Variants in ADGRA3 observed in about 807,000 individuals in gnomAD.
ADGRA3 encodes the protein G-protein coupled receptor 125.
In ADGRA3, 56 loss-of-function variants were observed where a neutral mutation model predicts 119.8. The observed-to-expected ratio is 0.47, with a 90% CI of 0.38 to 0.58. ADGRA3 has a LOEUF of 0.58. ADGRA3 is among the 20% of genes least tolerant of loss of function. The pLI is 0.00. For missense variants in ADGRA3, 1,516 were observed against 1,649.0 expected, an observed-to-expected ratio of 0.92 and a Z score of 1.40; for synonymous variants, 607 against 623.8, an observed-to-expected ratio of 0.97 and a Z score of 0.40.
chr4:22,467,294 C>A (rs1577366081), intron 2 of ADGRA3, among the ~76,000 whole-genome samples: 1 of 152,156 alleles, frequency 6.6e-6, no homozygotes, highest in East Asian at 1.9e-4. Flanking sequence ...ATTTTAAGTC[C>A]CAGGAGGTAC....
intron 1 of ADGRA3, among the ~76,000 whole-genome samples, chr4:22,481,188 A>G (rs1718249509): frequency 6.6e-6 from 1 of 152,220 alleles, no homozygotes; most frequent in South Asian, 2.1e-4. Flanking sequence ...AAAAAGAGAT[A>G]AGAAAGGAAG....
Position 22,390,328 on chromosome 4 carries a change from ATATATATATAAAATACATAT to A in ADGRA3, c.2628-1165_2628-1146del, listed in dbSNP as rs1196152355. Among the ~76,000 whole-genome samples, 1,349 of 136,278 alleles carry A rather than the reference ATATATATATAAAATACATAT, an allele frequency of 9.9e-3. 8 individuals carry two copies. Among genetic ancestry groups the A allele is most frequent in the East Asian group, 0.043 (160 of 3,730 alleles). The allele number at this position is 136,278 out of a possible 152,430, so 89.4% of individuals were successfully genotyped here. On this transcript the variant is annotated intron_variant, in intron 17 of 18. Coordinates refer to ENST00000334304, the MANE Select transcript of ADGRA3 (RefSeq NM_145290.4). ...GCATGCTTCTCTACTGCTTATATAT[ATATATATATAAAATACATAT>A]TATATATATATAATACGTATTATAT...
chr4:22,392,842 G>A lies in ADGRA3; in HGVS notation c.2482-152C>T, dbSNP rs190092266. 1.7e-4 allele frequency: 104 copies of A among 606,148 alleles called. No individual in the cohort carries two copies. In the African/African-American group the frequency reaches 1.9e-3, roughly 11 times the overall value. 37.5% of individuals were successfully genotyped at this position (606,148 alleles called of 1,614,324 possible). Reference sequence around the variant, plus strand: ...CTGTTGCCTGCTAAGGCAACACTGTGTTCTAATAGACATGTGACAGGGAAT... The same window carrying A: ...CTGTTGCCTGCTAAGGCAACACTGTATTCTAATAGACATGTGACAGGGAAT... On this transcript the variant is annotated intron_variant, in intron 16 of 18. Transcript: ENST00000334304.
chr4:22,496,038 T>TA (rs201875251), intron 1 of ADGRA3, among the ~76,000 whole-genome samples: 289 of 152,246 alleles, frequency 1.9e-3, no homozygotes, highest in Admixed American at 3.5e-3. Context: ...ATCATTTTTT[T>TA]AAAAAAAGAT....
intron 10 of ADGRA3, among the ~76,000 whole-genome samples, 164 bp downstream of exon 10, chr4:22,435,147 T>C (rs1358711524): frequency 6.6e-6 from 1 of 152,186 alleles, no homozygotes; most frequent in Non-Finnish European, 1.5e-5. Context: ...AAACAGGTCA[T>C]AAGAGAAGAG....
chr4:22,508,549 A>T (rs1719325059), intron 1 of ADGRA3, among the ~76,000 whole-genome samples: 1 of 152,118 alleles, frequency 6.6e-6, no homozygotes, highest in African/African-American at 2.4e-5. Context: ...TGTATGTAAG[A>T]TTTTGCATTC....
chr4:22,390,103 T>C (rs559881857), intron 17 of ADGRA3, among the ~76,000 whole-genome samples: 102 of 152,070 alleles, frequency 6.7e-4, no homozygotes, highest in African/African-American at 2.4e-3. Flanking sequence ...ATTAGAGAGA[T>C]GCCAATAATA....
intron 3 of ADGRA3, among the ~76,000 whole-genome samples, chr4:22,461,217 C>T (rs951614961): frequency 3.3e-5 from 5 of 152,168 alleles, no homozygotes; most frequent in Non-Finnish European, 7.4e-5. Context: ...ATTTTAGTAG[C>T]ATAAGAGTAA....
At chr4:22,406,746 C>T (rs761733701) in intron 14 of ADGRA3, among the ~76,000 whole-genome samples, 1 of 151,750 alleles carries the variant, frequency 6.6e-6, no homozygotes, top group Non-Finnish European at 1.5e-5. Context: ...GGTCTCCTGC[C>T]GAAAAATGAA....
intron 3 of ADGRA3, among the ~76,000 whole-genome samples, chr4:22,456,125 T>C (rs539974658): frequency 1.3e-5 from 2 of 152,342 alleles, no homozygotes; most frequent in Non-Finnish European, 1.5e-5. Flanking sequence ...CTTGGTCATG[T>C]AGTAGTCTCA....
chr4:22,484,756 T>G (rs1262660322), intron 1 of ADGRA3, among the ~76,000 whole-genome samples: 1 of 152,144 alleles, frequency 6.6e-6, no homozygotes, highest in African/African-American at 2.4e-5. Flanking sequence ...ATGTACACGT[T>G]TAGAGAAACC....
At chr4:22,463,006 C>G (rs1717525624) in intron 2 of ADGRA3, among the ~76,000 whole-genome samples, 1 of 152,192 alleles carries the variant, frequency 6.6e-6, no homozygotes. Flanking sequence ...GCCCACACTT[C>G]CGCTTTATGG....
Position 22,388,134 on chromosome 4 carries a change from G to A in ADGRA3, c.3537C>T (p.His1179=). 6.2e-7 allele frequency: 1 copy of A among 1,614,094 alleles called. No homozygotes were observed. Among genetic ancestry groups the A allele is most frequent in the South Asian group, 1.1e-5 (1 of 91,084 alleles). The change falls in exon 19 of 19, where the codon CAC becomes CAT. Residue 1179 remains histidine, a synonymous_variant. Transcript: ENST00000334304. ...SRHHKNRSKG[H]RASRLTVLRE... is the part of the protein sequence containing the mutation. The stretch of plus-strand genomic sequence containing the variant: ...TCAGGACTGTGAGTCGGCTTGCCCG[G>A]TGTCCTTTACTTCTGTTTTTATGGT...
chr4:22,425,859 G>C (rs2044722224), intron 10 of ADGRA3, among the ~76,000 whole-genome samples: 1 of 152,168 alleles, frequency 6.6e-6, no homozygotes, highest in African/African-American at 2.4e-5. Context: ...CCCAACCCTG[G>C]AACCACGGGG....
intron 9 of ADGRA3, 123 bp downstream of exon 9, chr4:22,436,317 A>G (rs993772321): frequency 2.8e-6 from 2 of 710,490 alleles, no homozygotes; most frequent in South Asian, 2.0e-5. Context: ...TAAGTCAACT[A>G]AAGTAAAAAC....
At chr4:22,496,169 C>T (rs1560346362) in intron 1 of ADGRA3, among the ~76,000 whole-genome samples, 1 of 152,024 alleles carries the variant, frequency 6.6e-6, no homozygotes, top group African/African-American at 2.4e-5. Context: ...ATTTGTGTTC[C>T]CTTTCTGTGA....
intron 4 of ADGRA3, among the ~76,000 whole-genome samples, chr4:22,449,239 C>T (rs1716940678): frequency 7.3e-5 from 11 of 149,804 alleles, no homozygotes; most frequent in Admixed American, 7.3e-4. Context: ...CACTGCACTC[C>T]AACCTGAGCA....
rs576557418 is a variant in ADGRA3, at chr4:22,387,719, C to T, written c.3952G>A (p.Glu1318Lys). ...GNVRTGLWKH[E>K]TTV is the part of the protein sequence containing the mutation. Reference sequence around the variant, plus strand: ...GCCCAGCAATGTTACACAGTAGTTTCGTGTTTCCATAATCCAGTCCTAACA... The same window carrying T: ...GCCCAGCAATGTTACACAGTAGTTTTGTGTTTCCATAATCCAGTCCTAACA... Residue 1318 changes from glutamate (E) to lysine (K), a missense_variant, in exon 19 of 19, where the codon GAA becomes AAA. This residue lies in a region of ADGRA3 where 1,088 missense variants were observed against 1,107.1 expected (regional missense o/e 0.98). Transcript: ENST00000334304. 7.5e-6 allele frequency: 12 copies of T among 1,604,128 alleles called. No homozygotes were observed. Among genetic ancestry groups the T allele is most frequent in the South Asian group, 3.3e-5 (3 of 90,198 alleles).
In ADGRA3 at chr4:22,413,888, G is replaced by C. The variant is rs940848811; in HGVS notation, c.1810-74C>G. The C allele has an allele frequency of 7.3e-6, 7 of 955,278 alleles. No homozygotes were observed. The Admixed American group carries it at 1.8e-4, about 25-fold the overall frequency. 59.2% of individuals were successfully genotyped at this position (955,278 alleles called of 1,614,324 possible). A position where few individuals can be genotyped will look rare whatever the true frequency, so the allele number is the denominator to read the frequency against. On this transcript the variant is annotated intron_variant, in intron 12 of 18. Transcript: ENST00000334304. ...AAACCAGAAAAAAATATGTCAGATA[G>C]TTACAAAAGTGGTATAATTAGGTTG...
Sources: gnomAD v4.1 joint callset for allele counts (sites outside exome capture counted in the v4.1 genomes callset) on GRCh38, gnomAD v4.1.1 for gene constraint, gnomAD v4.1.1 regional missense constraint, MANE v1.5 for transcripts, NCBI Gene and HGNC (gene_info 2026-07-23, HGNC 2026-07-21) for gene names.